Variants in KLHL29 observed in about 807,000 individuals in gnomAD.
KLHL29 encodes the protein kelch like family member 29, also known as kelch-like protein 29.
KLHL29 carries 21 observed loss-of-function variants against 80.4 expected under a neutral mutation model. The observed-to-expected ratio is 0.26, with a 90% CI of 0.19 to 0.38. The LOEUF is 0.38. KLHL29 is among the 10% of genes least tolerant of loss of function. The probability of loss-of-function intolerance (pLI) is 1.00; values close to 1 mark genes in which losing one functional copy is unlikely to be tolerated. For missense variants in KLHL29, 867 were observed against 1,223.9 expected, an observed-to-expected ratio of 0.71 and a Z score of 4.35; for synonymous variants, 511 against 526.8, an observed-to-expected ratio of 0.97 and a Z score of 0.41.
At chr2:23,575,763 G>A (rs185109731) in intron 3 of KLHL29, among the ~76,000 whole-genome samples, 170 of 152,264 alleles carry the variant, frequency 1.1e-3, no homozygotes, top group African/African-American at 3.9e-3. Context: ...AGTGATAGAG[G>A]AGGAGAGAGA....
intron 3 of KLHL29, among the ~76,000 whole-genome samples, chr2:23,630,346 G>T (rs1051245738): frequency 3.3e-5 from 5 of 152,208 alleles, no homozygotes; most frequent in South Asian, 2.1e-4. Flanking sequence ...CCATTTATGG[G>T]TCTACTGGCC....
intron 2 of KLHL29, among the ~76,000 whole-genome samples, chr2:23,537,645 G>A (rs1383345026): frequency 6.6e-6 from 1 of 152,170 alleles, no homozygotes; most frequent in Non-Finnish European, 1.5e-5. Flanking sequence ...AAGGAAGTAG[G>A]AGGCCCCATC....
chr2:23,588,801 G>A (rs926942732), intron 3 of KLHL29, among the ~76,000 whole-genome samples: 11 of 152,218 alleles, frequency 7.2e-5, no homozygotes, highest in African/African-American at 2.2e-4. Context: ...AAATTGTGCC[G>A]GGCCTGGCTT....
chr2:23,579,581 T>G (rs1165673020), intron 3 of KLHL29, among the ~76,000 whole-genome samples: 1 of 152,112 alleles, frequency 6.6e-6, no homozygotes, highest in Non-Finnish European at 1.5e-5. Flanking sequence ...AGTCTACCCT[T>G]TTCCCTCCAG....
At chr2:23,425,088 T>C (rs1027263900) in intron 1 of KLHL29, among the ~76,000 whole-genome samples, 2 of 152,226 alleles carry the variant, frequency 1.3e-5, no homozygotes, top group African/African-American at 2.4e-5. Flanking sequence ...GAAATGTGTC[T>C]TTATATATAA....
chr2:23,452,765 G>A (rs994578056), intron 1 of KLHL29, among the ~76,000 whole-genome samples: 3 of 152,160 alleles, frequency 2.0e-5, no homozygotes, highest in Non-Finnish European at 4.4e-5. Flanking sequence ...AAGGCCACCA[G>A]ATAAAATAAA....
At position 23,706,477 on chromosome 2, in the gene KLHL29, A is replaced by C; in HGVS notation, c.2445-4A>C. On this transcript the variant is annotated splice_polypyrimidine_tract_variant and splice_region_variant and intron_variant, in intron 13 of 13. Transcript: ENST00000486442. ...CTAACTCTGTCCCCGCTTTCCCCCA[A>C]CAGTGCTGTGGTGCTTGATGGCAAG... is the stretch of plus-strand genomic sequence containing the variant. 3 of 1,492,506 alleles carry C rather than the reference A, an allele frequency of 2.0e-6. No homozygotes were observed. The highest frequency in any genetic ancestry group is 2.7e-6 in the Non-Finnish European group (3 of 1,123,850). 92.5% of individuals were successfully genotyped at this position (1,492,506 alleles called of 1,614,324 possible). A position where few individuals can be genotyped will look rare whatever the true frequency, so the allele number is the denominator to read the frequency against.
At chr2:23,513,119 G>A (rs754281507) in intron 2 of KLHL29, among the ~76,000 whole-genome samples, 3 of 152,370 alleles carry the variant, frequency 2.0e-5, no homozygotes, top group South Asian at 2.1e-4. Flanking sequence ...TGTAGTTACC[G>A]TCTTGGAGTG....
chr2:23,400,777 T>C (rs1281391552), intron 1 of KLHL29, among the ~76,000 whole-genome samples: 1 of 152,140 alleles, frequency 6.6e-6, no homozygotes, highest in African/African-American at 2.4e-5. Context: ...AAGGGTGCAA[T>C]GAGCCAAGAT....
intron 5 of KLHL29, among the ~76,000 whole-genome samples, chr2:23,648,956 C>T (rs1279969179): frequency 6.6e-6 from 1 of 152,226 alleles, no homozygotes; most frequent in Non-Finnish European, 1.5e-5. Flanking sequence ...TAGTGCCATC[C>T]TCACAGACAT....
intron 3 of KLHL29, among the ~76,000 whole-genome samples, chr2:23,592,409 G>A (rs1668290921): frequency 6.6e-6 from 1 of 152,246 alleles, no homozygotes; most frequent in South Asian, 2.1e-4. Flanking sequence ...TCCTGGAGCT[G>A]TTATTTGTGT....
At chr2:23,620,873 C>T (rs1195330135) in intron 3 of KLHL29, among the ~76,000 whole-genome samples, 2 of 152,264 alleles carry the variant, frequency 1.3e-5, no homozygotes, top group East Asian at 1.9e-4. Context: ...TGTGCTGCCG[C>T]GATGGGAACT....
chr2:23,390,395 G>A (rs1185670596), intron 1 of KLHL29, among the ~76,000 whole-genome samples: 4 of 152,254 alleles, frequency 2.6e-5, no homozygotes, highest in East Asian at 3.9e-4. Context: ...TCTAGCGTGC[G>A]CAAAGACGAC....
intron 3 of KLHL29, among the ~76,000 whole-genome samples, chr2:23,629,171 C>T (rs1669406508): frequency 6.6e-6 from 1 of 152,106 alleles, no homozygotes; most frequent in African/African-American, 2.4e-5. Context: ...GGCCCGGCCC[C>T]GCTCTGTGAG....
intron 1 of KLHL29, among the ~76,000 whole-genome samples, chr2:23,437,405 G>C (rs1329693240): frequency 1.3e-5 from 2 of 152,168 alleles, no homozygotes; most frequent in Non-Finnish European, 2.9e-5. Context: ...CCTCTTGCTG[G>C]AGAGACTAGG....
At chr2:23,491,512 A>G (rs753818773) in intron 2 of KLHL29, among the ~76,000 whole-genome samples, 3 of 152,082 alleles carry the variant, frequency 2.0e-5, no homozygotes, top group Non-Finnish European at 4.4e-5. Context: ...ATCAGGTCTC[A>G]GGGCTTATAG....
intron 2 of KLHL29, among the ~76,000 whole-genome samples, chr2:23,552,639 C>T (rs996524097): frequency 1.3e-5 from 2 of 152,130 alleles, no homozygotes; most frequent in East Asian, 3.8e-4. Flanking sequence ...AAGCAGGCTC[C>T]CTGTCTTCTT....
intron 2 of KLHL29, among the ~76,000 whole-genome samples, chr2:23,504,933 C>T (rs1014859438): frequency 2.0e-5 from 3 of 152,184 alleles, no homozygotes; most frequent in East Asian, 1.9e-4. Context: ...GGCAGCCAAC[C>T]GAAGCCTCCA....
chr2:23,638,403 T>C (rs1669675709), intron 3 of KLHL29, among the ~76,000 whole-genome samples: 2 of 151,942 alleles, frequency 1.3e-5, no homozygotes, highest in Non-Finnish European at 1.5e-5. Flanking sequence ...TTTTTTTCAC[T>C]CTGAGGTTTA....
Sources: gnomAD v4.1 joint callset for allele counts (sites outside exome capture counted in the v4.1 genomes callset) on GRCh38, gnomAD v4.1.1 for gene constraint, MANE v1.5 for transcripts, NCBI Gene and HGNC (gene_info 2026-07-23, HGNC 2026-07-21) for gene names.